Variants in SCHIP1 observed in about 807,000 individuals in gnomAD.
The protein encoded by SCHIP1 is schwannomin interacting protein 1.
In SCHIP1, 8 loss-of-function variants were observed where a neutral mutation model predicts 29.7. That is an observed-to-expected ratio of 0.27 (90% CI 0.16 to 0.49). The LOEUF (loss-of-function observed/expected upper bound fraction) is 0.49, where lower values mean the gene tolerates loss of function less well. Ranked by LOEUF, SCHIP1 falls within the 20% of genes least tolerant of loss-of-function variation. SCHIP1 has a pLI of 0.99. For synonymous variants in SCHIP1, 76 were observed against 94.9 expected, an observed-to-expected ratio of 0.80 and a Z score of 1.16; for missense variants, 193 against 294.6, an observed-to-expected ratio of 0.66 and a Z score of 2.52.
chr3:159,362,572 T>G, the SCHIP1 span, among the ~76,000 whole-genome samples: 1 of 152,172 alleles, frequency 6.6e-6, no homozygotes, highest in Non-Finnish European at 1.5e-5. Flanking sequence ...CATTGTTCAG[T>G]TGGGCATTAT....
chr3:159,346,363 A>G, the SCHIP1 span, among the ~76,000 whole-genome samples: 1 of 149,632 alleles, frequency 6.7e-6, no homozygotes, highest in Non-Finnish European at 1.5e-5. Flanking sequence ...TCCCAGTAGC[A>G]CTCCTCCCTT....
chr3:159,769,162 C>A, the SCHIP1 span, among the ~76,000 whole-genome samples: 2 of 151,710 alleles, frequency 1.3e-5, no homozygotes, highest in Non-Finnish European at 2.9e-5. Flanking sequence ...AGTTTTCCCT[C>A]TTATGAGAGC....
chr3:159,347,436 T>C, the SCHIP1 span, among the ~76,000 whole-genome samples: 9 of 152,314 alleles, frequency 5.9e-5, 1 homozygote, highest in African/African-American at 2.2e-4. Context: ...ATTTGTCCAA[T>C]TGTGGAAAGA....
the SCHIP1 span, among the ~76,000 whole-genome samples, chr3:159,347,983 T>C: frequency 6.6e-6 from 1 of 152,214 alleles, no homozygotes; most frequent in Non-Finnish European, 1.5e-5. Context: ...CTTTTAAGAA[T>C]ATTTCACTGT....
At chr3:159,420,627 A>G in the SCHIP1 span, among the ~76,000 whole-genome samples, 1 of 152,230 alleles carries the variant, frequency 6.6e-6, no homozygotes, top group South Asian at 2.1e-4. Context: ...ATTGTTCAGA[A>G]CCAGAAGAGG....
the SCHIP1 span, among the ~76,000 whole-genome samples, chr3:159,582,239 T>A: frequency 6.6e-6 from 1 of 152,100 alleles, no homozygotes; most frequent in African/African-American, 2.4e-5. Flanking sequence ...GGTATGATCA[T>A]AGCTCACTAC....
At chr3:159,652,976 T>G in the SCHIP1 span, among the ~76,000 whole-genome samples, 1 of 152,098 alleles carries the variant, frequency 6.6e-6, no homozygotes, top group African/African-American at 2.4e-5. Flanking sequence ...CTTATAAAAT[T>G]TGAGAGTAGA....
chr3:159,827,848 A>AT, the SCHIP1 span, among the ~76,000 whole-genome samples: 1 of 151,850 alleles, frequency 6.6e-6, no homozygotes, highest in Non-Finnish European at 1.5e-5. Flanking sequence ...CGCTGGAAAT[A>AT]TTTTTTTAAA....
the SCHIP1 span, among the ~76,000 whole-genome samples, chr3:159,644,285 A>G: frequency 3.3e-5 from 5 of 152,056 alleles, no homozygotes; most frequent in Admixed American, 2.0e-4. Flanking sequence ...AGTATTGTTT[A>G]TTTACTTCTA....
At chr3:159,356,173 C>T in the SCHIP1 span, among the ~76,000 whole-genome samples, 1 of 150,634 alleles carries the variant, frequency 6.6e-6, no homozygotes, top group Non-Finnish European at 1.5e-5. Flanking sequence ...CTAACCTGCA[C>T]AATGTGCACA....
At chr3:159,547,632 T>C in the SCHIP1 span, among the ~76,000 whole-genome samples, 2 of 152,222 alleles carry the variant, frequency 1.3e-5, no homozygotes, top group Admixed American at 6.5e-5. Flanking sequence ...TTTCTGCATA[T>C]GGCTAGCCAG....
the SCHIP1 span, among the ~76,000 whole-genome samples, chr3:159,429,140 A>G: frequency 6.6e-6 from 1 of 151,910 alleles, no homozygotes; most frequent in Non-Finnish European, 1.5e-5. Flanking sequence ...GCACATGTAT[A>G]CATATGTAAC....
chr3:159,369,843 AAAAAG>A, the SCHIP1 span, among the ~76,000 whole-genome samples: 1 of 152,200 alleles, frequency 6.6e-6, no homozygotes, highest in East Asian at 1.9e-4. Context: ...CAAGAAAAAT[AAAAAG>A]AAATCAATCA....
chr3:159,579,848 A>G, the SCHIP1 span, among the ~76,000 whole-genome samples: 8 of 152,256 alleles, frequency 5.3e-5, no homozygotes, highest in South Asian at 1.7e-3. Context: ...TTATTTCTTA[A>G]ACATTAACCT....
At chr3:159,481,208 C>T in the SCHIP1 span, among the ~76,000 whole-genome samples, 2 of 152,132 alleles carry the variant, frequency 1.3e-5, no homozygotes, top group African/African-American at 4.8e-5. Flanking sequence ...TAGCCCAGAC[C>T]TACTAAATCA....
At chr3:159,309,427 C>T in the SCHIP1 span, among the ~76,000 whole-genome samples, 1 of 152,050 alleles carries the variant, frequency 6.6e-6, no homozygotes, top group Admixed American at 6.6e-5. Flanking sequence ...TCCTACTGCT[C>T]GTGAACTATT....
the SCHIP1 span, among the ~76,000 whole-genome samples, chr3:159,364,647 T>TTTGA: frequency 1.3e-5 from 2 of 152,136 alleles, no homozygotes; most frequent in Non-Finnish European, 2.9e-5. Flanking sequence ...TGCTTTGTGG[T>TTTGA]TTGATTGAAT....
At chr3:159,384,460 C>T in the SCHIP1 span, among the ~76,000 whole-genome samples, 3 of 143,912 alleles carry the variant, frequency 2.1e-5, no homozygotes, top group African/African-American at 7.7e-5. Flanking sequence ...GGATGAAGCC[C>T]ACTTGATCAT....
At chr3:159,758,277 C>T in the SCHIP1 span, among the ~76,000 whole-genome samples, 1 of 152,096 alleles carries the variant, frequency 6.6e-6, no homozygotes, top group Non-Finnish European at 1.5e-5. Context: ...CTCAGCCTCC[C>T]AAGTAGCTGG....
Sources: allele counts gnomAD v4.1 joint callset (sites outside exome capture counted in the v4.1 genomes callset), GRCh38; gene constraint gnomAD v4.1.1; transcripts MANE v1.5; gene names NCBI Gene and HGNC (gene_info 2026-07-23, HGNC 2026-07-21).